Variants in WFDC9 observed in about 807,000 individuals in gnomAD.
WFDC9 encodes the protein WAP four-disulfide core domain 9.
In WFDC9, 9 loss-of-function variants were observed where a neutral mutation model predicts 9.5. The observed-to-expected ratio is 0.95, with a 90% CI of 0.57 to 1.65. The LOEUF (loss-of-function observed/expected upper bound fraction) is 1.65. Among genes scored for constraint, WFDC9 ranks in the 40% most tolerant of loss-of-function variants. The pLI is 0.00. For missense variants in WFDC9, 87 were observed against 106.7 expected, an observed-to-expected ratio of 0.82 and a Z score of 0.81; for synonymous variants, 33 against 32.3, an observed-to-expected ratio of 1.02 and a Z score of -0.07.
At chr20:45,612,201 A>C (rs139765194) in intron 2 of WFDC9, among the ~76,000 whole-genome samples, 14 of 151,956 alleles carry the variant, frequency 9.2e-5, no homozygotes, top group Admixed American at 3.3e-4. Flanking sequence ...TTTGAAAACT[A>C]TTTTCAATTA....
chr20:45,620,325 G>A (rs765805426), intron 1 of WFDC9, among the ~76,000 whole-genome samples: 6 of 152,134 alleles, frequency 3.9e-5, no homozygotes, highest in Admixed American at 6.5e-5. Context: ...ATTGGGCCGG[G>A]TGTGATGGCT....
chr20:45,611,088 A>C (rs552443313), intron 2 of WFDC9, among the ~76,000 whole-genome samples: 1 of 152,346 alleles, frequency 6.6e-6, no homozygotes, highest in South Asian at 2.1e-4. Flanking sequence ...ACGACATTTC[A>C]TGTTTCCAAT....
intron 1 of WFDC9, among the ~76,000 whole-genome samples, chr20:45,623,672 T>C (rs1427428121): frequency 6.6e-6 from 1 of 152,118 alleles, no homozygotes; most frequent in Non-Finnish European, 1.5e-5. Flanking sequence ...ATTTTACATA[T>C]TTATGTGATA....
intron 2 of WFDC9, among the ~76,000 whole-genome samples, chr20:45,614,226 C>T (rs1981925039): frequency 6.6e-6 from 1 of 152,122 alleles, no homozygotes; most frequent in Non-Finnish European, 1.5e-5. Context: ...TGATCCCAGA[C>T]AAAAGAAACA....
At position 45,608,155 on chromosome 20, in the gene WFDC9, T is replaced by A. The variant is rs1218149969; in HGVS notation, c.240-15A>T. 1 of 1,608,042 alleles carries A rather than the reference T, an allele frequency of 6.2e-7. No individual in the cohort carries two copies. The highest frequency in any genetic ancestry group is 2.2e-5 in the East Asian group (1 of 44,804). The stretch of plus-strand genomic sequence containing the variant: ...TAAGGGGCTCTCTAGAAGAGAAAAG[T>A]TAGTCAAAAGTCAAGAATCCTGGGA... On this transcript the variant is annotated splice_polypyrimidine_tract_variant and intron_variant, in intron 4 of 4. Transcript: ENST00000326000.
intron 1 of WFDC9, among the ~76,000 whole-genome samples, chr20:45,625,807 CTTTTTTTTTTTTTTTTTTTTT>C (rs76758338): frequency 2.2e-5 from 1 of 46,416 alleles, no homozygotes; most frequent in South Asian, 8.9e-4. Flanking sequence ...GTTCTCTATT[CTTTTTTTTTTTTTTTTTTTTT>C]TTTTTGAGAC....
intron 2 of WFDC9, among the ~76,000 whole-genome samples, chr20:45,612,468 T>C (rs567616976): frequency 6.6e-6 from 1 of 152,258 alleles, no homozygotes; most frequent in East Asian, 1.9e-4. Context: ...AGGAAATGCA[T>C]AGATGGTAAT....
At position 45,610,087 on chromosome 20, in the gene WFDC9, C is replaced by T; in HGVS notation, c.91+4G>A. On this transcript the variant is annotated splice_donor_region_variant and intron_variant, in intron 3 of 4. Coordinates refer to ENST00000326000, the MANE Select transcript of WFDC9 (RefSeq NM_147198.4). ...AGCACCCCGTCCCTTTTCACACCAC[C>T]CACAGGGATCTTTGTTCCAGAAGCT... The T allele has an allele frequency of 6.2e-7, 1 of 1,613,824 alleles. No individual in the cohort carries two copies. Among genetic ancestry groups the T allele is most frequent in the East Asian group, 2.2e-5 (1 of 44,868 alleles).
At chr20:45,622,873 T>G (rs946879702) in intron 1 of WFDC9, among the ~76,000 whole-genome samples, 1 of 152,356 alleles carries the variant, frequency 6.6e-6, no homozygotes, top group Middle Eastern at 3.4e-3. Context: ...TAGGTTTGAT[T>G]TGAAGGCCAA....
chr20:45,614,100 C>T (rs374612553), intron 2 of WFDC9, among the ~76,000 whole-genome samples: 7 of 152,210 alleles, frequency 4.6e-5, no homozygotes, highest in Non-Finnish European at 5.9e-5. Flanking sequence ...TTCATTCACA[C>T]GGCCTCATTC....
chr20:45,617,877 T>C (rs1035444229), intron 1 of WFDC9, among the ~76,000 whole-genome samples: 2 of 152,192 alleles, frequency 1.3e-5, no homozygotes, highest in African/African-American at 4.8e-5. Flanking sequence ...TTGTGTACCA[T>C]TTACTCTTAC....
chr20:45,608,841 T>A, intron 3 of WFDC9, 31 bp from the exon 4 acceptor site: 1 of 1,583,846 alleles, frequency 6.3e-7, no homozygotes, highest in South Asian at 1.2e-5. Flanking sequence ...AGGGTCCGTC[T>A]ATTCACAACT....
rs901820478 is a variant in WFDC9 at position 45,629,841 on chromosome 20, C to T, written c.-153+1362G>A. On this transcript the variant is annotated intron_variant, in intron 1 of 4. Coordinates refer to ENST00000326000, the MANE Select transcript of WFDC9 (RefSeq NM_147198.4). Reference sequence around the variant, plus strand: ...GGCACCCCAGACTCTGCTGCCTGTCCTGGTTCTCTGTGTGCTGCTGCTGCA... The same window carrying T: ...GGCACCCCAGACTCTGCTGCCTGTCTTGGTTCTCTGTGTGCTGCTGCTGCA... The T allele has an allele frequency of 5.0e-6, 8 of 1,613,886 alleles. No individual in the cohort carries two copies. In the East Asian group the frequency reaches 1.1e-4, roughly 22 times the overall value.
intron 1 of WFDC9, among the ~76,000 whole-genome samples, chr20:45,615,493 G>A (rs1021018937): frequency 2.0e-5 from 3 of 152,108 alleles, no homozygotes; most frequent in South Asian, 2.1e-4. Flanking sequence ...GGCATACCTC[G>A]GAGATATTGC....
chr20:45,614,883 G>A (rs962395112), intron 1 of WFDC9, among the ~76,000 whole-genome samples, 162 bp from the exon 2 acceptor site: 3 of 152,054 alleles, frequency 2.0e-5, no homozygotes, highest in Admixed American at 6.6e-5. Flanking sequence ...ATTTTCTAAG[G>A]TGCAGGTGGG....
chr20:45,608,184 A>T (rs745567031), intron 4 of WFDC9, 44 bp from the exon 5 acceptor site: 14 of 1,584,324 alleles, frequency 8.8e-6, no homozygotes, highest in African/African-American at 1.4e-5. Context: ...CCTGGGATAA[A>T]TCCATTTCTA....
At chr20:45,608,995 G>A (rs577264690) in intron 3 of WFDC9, among the ~76,000 whole-genome samples, 185 bp from the exon 4 acceptor site, 50 of 152,220 alleles carry the variant, frequency 3.3e-4, no homozygotes, top group Admixed American at 5.9e-4. Flanking sequence ...CATGGCCTGT[G>A]TTCCTCCATC....
chr20:45,622,075 G>A (rs1470875164), intron 1 of WFDC9, among the ~76,000 whole-genome samples: 1 of 148,666 alleles, frequency 6.7e-6, no homozygotes, highest in Admixed American at 7.8e-5. Context: ...GGGTCTTTGT[G>A]TGGTAAGCAT....
At position 45,613,261 on chromosome 20, in the gene WFDC9, T is replaced by A. The variant is rs185457337; in HGVS notation, c.-59+1367A>T. Among the ~76,000 whole-genome samples, 10 of 152,330 alleles carry A rather than the reference T, an allele frequency of 6.6e-5. 2 individuals carry two copies. The highest frequency in any genetic ancestry group is 6.5e-4 in the Admixed American group (10 of 15,302). The stretch of plus-strand genomic sequence containing the variant: ...GACTTCTTGTGTGTCCTATTTAACA[T>A]TCCTTATTTCTCAGGCGCGGAGCCT... On this transcript the variant is annotated intron_variant, in intron 2 of 4. Transcript: ENST00000326000.
Sources: allele counts gnomAD v4.1 joint callset (sites outside exome capture counted in the v4.1 genomes callset), GRCh38; gene constraint gnomAD v4.1.1; transcripts MANE v1.5; gene names NCBI Gene and HGNC (gene_info 2026-07-23, HGNC 2026-07-21).